Variants in MPZL1 observed in about 807,000 individuals in gnomAD.
The protein encoded by MPZL1 is myelin protein zero-like protein 1.
Under a neutral mutation model 29.3 loss-of-function variants are expected in MPZL1, and 16 were observed. That is an observed-to-expected ratio of 0.55 (90% CI 0.37 to 0.83). MPZL1 has a LOEUF of 0.83. Among genes scored for constraint, MPZL1 ranks in the 40% least tolerant of loss-of-function variants. The pLI is 0.00. For missense variants in MPZL1, 279 were observed against 332.9 expected, an observed-to-expected ratio of 0.84 and a Z score of 1.26; for synonymous variants, 143 against 132.0, an observed-to-expected ratio of 1.08 and a Z score of -0.57.
At chr1:167,727,393 AC>A (rs1301311069) in intron 1 of MPZL1, among the ~76,000 whole-genome samples, 2 of 152,208 alleles carry the variant, frequency 1.3e-5, no homozygotes, top group African/African-American at 4.8e-5. Flanking sequence ...TGTAAGACAT[AC>A]ATCTCATGTG....
At chr1:167,784,721 A>G (rs1381242323) in intron 5 of MPZL1, among the ~76,000 whole-genome samples, 1 of 152,164 alleles carries the variant, frequency 6.6e-6, no homozygotes, top group African/African-American at 2.4e-5. Flanking sequence ...TCTTTCATCC[A>G]TCCCTTCATC....
At chr1:167,764,642 T>C (rs1425261131) in intron 1 of MPZL1, among the ~76,000 whole-genome samples, 1 of 152,194 alleles carries the variant, frequency 6.6e-6, no homozygotes, top group Non-Finnish European at 1.5e-5. Flanking sequence ...AAGTTCAGTG[T>C]GATAACAATT....
intron 1 of MPZL1, among the ~76,000 whole-genome samples, chr1:167,723,139 T>C (rs1660074436): frequency 6.6e-6 from 1 of 152,266 alleles, no homozygotes; most frequent in African/African-American, 2.4e-5. Context: ...TACTTGTTGC[T>C]GTCTCCGAAT....
intron 1 of MPZL1, among the ~76,000 whole-genome samples, chr1:167,733,774 G>A (rs1264610162): frequency 2.0e-5 from 3 of 151,732 alleles, no homozygotes; most frequent in South Asian, 2.1e-4. Context: ...GCTTAGTGGC[G>A]TGAGCCTGTA....
Position 167,749,069 on chromosome 1 carries a change from A to G in MPZL1, c.92-16514A>G, listed in dbSNP as rs1460061488. On this transcript the variant is annotated intron_variant, in intron 1 of 5. Transcript: ENST00000359523. ...TCCATTTCACAGATTTGGTTGTTCC[A>G]GGCAACTCATGCTATTCAGAAGCCC... Among the ~76,000 whole-genome samples, 3 of 152,210 alleles carry G rather than the reference A, an allele frequency of 2.0e-5. No individual in the cohort carries two copies. In the East Asian group the frequency reaches 5.8e-4, roughly 29 times the overall value.
Position 167,773,381 on chromosome 1 carries a change from G to GTT in MPZL1, c.605+19_605+20dup. ...GGGATTACACTGGGTAAGAAACACTGTTTTTTTAGGGCAGGGGTGGAGGGA... is the reference window on the plus strand; with the variant it reads ...GGGATTACACTGGGTAAGAAACACTGTTTTTTTTTAGGGCAGGGGTGGAGGGA... On this transcript the variant is annotated intron_variant, in intron 4 of 5. Coordinates refer to ENST00000359523, the MANE Select transcript of MPZL1 (RefSeq NM_003953.6). 5 of 1,608,008 alleles carry GTT rather than the reference G, an allele frequency of 3.1e-6. No individual in the cohort carries two copies. The highest frequency in any genetic ancestry group is 4.2e-6 in the Non-Finnish European group (5 of 1,177,782).
chr1:167,739,789 G>A lies in MPZL1; in HGVS notation c.91+17547G>A, dbSNP rs778265398. On this transcript the variant is annotated intron_variant, in intron 1 of 5. Coordinates refer to ENST00000359523, the MANE Select transcript of MPZL1 (RefSeq NM_003953.6). ...GTCACTACTCTAAACATCTACTTTG[G>A]CTCTCTTTCCTTACCCCTCTTATCT... is the stretch of plus-strand genomic sequence containing the variant. 3.6e-4 allele frequency among the ~76,000 whole-genome samples: 54 copies of A among 152,084 alleles called. 1 individual carries two copies. The highest frequency in any genetic ancestry group is 3.4e-3 in the Middle Eastern group (1 of 294).
chr1:167,735,147 T>C (rs1210463493), intron 1 of MPZL1, among the ~76,000 whole-genome samples: 2 of 152,250 alleles, frequency 1.3e-5, no homozygotes, highest in African/African-American at 2.4e-5. Flanking sequence ...CCATTTCTTT[T>C]CTCACTTTGT....
chr1:167,772,784 AT>A (rs1242395651), intron 3 of MPZL1, among the ~76,000 whole-genome samples: 1 of 152,204 alleles, frequency 6.6e-6, no homozygotes, highest in Non-Finnish European at 1.5e-5. Flanking sequence ...GACCAAATTC[AT>A]TATGTTTGGA....
intron 3 of MPZL1, 130 bp from the exon 4 acceptor site, chr1:167,773,106 C>T: frequency 1.1e-6 from 1 of 881,864 alleles, no homozygotes; most frequent in Non-Finnish European, 1.7e-6. Flanking sequence ...ATAGTAGGAT[C>T]TCATAGTTTG....
intron 5 of MPZL1, among the ~76,000 whole-genome samples, chr1:167,780,675 C>G (rs1019067945): frequency 6.6e-5 from 10 of 152,024 alleles, no homozygotes; most frequent in African/African-American, 2.4e-4. Flanking sequence ...TACTAATATC[C>G]CATACCCTAC....
chr1:167,777,487 T>C (rs1558124879), intron 5 of MPZL1, among the ~76,000 whole-genome samples: 1 of 152,092 alleles, frequency 6.6e-6, no homozygotes, highest in Non-Finnish European at 1.5e-5. Flanking sequence ...GGCCCAGCTG[T>C]CTCACTCAAT....
chr1:167,787,017 C>G (rs562756020), intron 5 of MPZL1: 4 of 152,334 alleles, frequency 2.6e-5, no homozygotes, highest in African/African-American at 9.6e-5. Context: ...CCAACCTTCC[C>G]TTGCTCTCCT....
intron 1 of MPZL1, among the ~76,000 whole-genome samples, chr1:167,744,838 A>G (rs1173797130): frequency 6.6e-6 from 1 of 152,192 alleles, no homozygotes; most frequent in Non-Finnish European, 1.5e-5. Context: ...AATTGGGAGT[A>G]AGATCAAAAC....
chr1:167,784,544 C>A (rs1030253093), intron 5 of MPZL1, among the ~76,000 whole-genome samples: 1 of 152,220 alleles, frequency 6.6e-6, no homozygotes, highest in Non-Finnish European at 1.5e-5. Flanking sequence ...TGAGCAGCCT[C>A]ATTTGCCCTC....
chr1:167,722,120 G>C lies in MPZL1; in HGVS notation c.-32G>C. On this transcript the variant is annotated 5_prime_UTR_variant, in exon 1 of 6. Coordinates refer to ENST00000359523, the MANE Select transcript of MPZL1 (RefSeq NM_003953.6). The stretch of plus-strand genomic sequence containing the variant: ...GCGGGGACCCGGGCTCAGGGACGCG[G>C]CGGCGGCGGCGGCGACTGCAGTGGC... The C allele has an allele frequency of 8.1e-7, 1 of 1,233,472 alleles. No individual in the cohort carries two copies. The highest frequency in any genetic ancestry group is 1.0e-6 in the Non-Finnish European group (1 of 988,324). The allele number at this position is 1,233,472 out of a possible 1,614,324, so 76.4% of individuals were successfully genotyped here.
intron 1 of MPZL1, among the ~76,000 whole-genome samples, chr1:167,736,827 C>T (rs1304252604): frequency 6.6e-6 from 1 of 152,174 alleles, no homozygotes; most frequent in African/African-American, 2.4e-5. Flanking sequence ...GGATCTCTCT[C>T]TTGGGCAAAT....
chr1:167,739,310 C>CATATAT (rs68082264), intron 1 of MPZL1, among the ~76,000 whole-genome samples: 2,681 of 101,366 alleles, frequency 0.026, 260 homozygotes, highest in African/African-American at 0.12. Context: ...TATATATATA[C>CATATAT]ACATATATAT....
intron 1 of MPZL1, among the ~76,000 whole-genome samples, chr1:167,750,457 C>T (rs1332317068): frequency 6.6e-6 from 1 of 152,146 alleles, no homozygotes; most frequent in Non-Finnish European, 1.5e-5. Context: ...CTGCCTCAGC[C>T]TCCCAAAATG....
Sources: gnomAD v4.1 joint callset for allele counts (sites outside exome capture counted in the v4.1 genomes callset) on GRCh38, gnomAD v4.1.1 for gene constraint, MANE v1.5 for transcripts, NCBI Gene and HGNC (gene_info 2026-07-23, HGNC 2026-07-21) for gene names.